ITSN1: variants seen among roughly 807,000 people sequenced by gnomAD.
The protein encoded by ITSN1 is intersectin 1, also known as intersectin-1.
A neutral mutation model predicts 239.8 loss-of-function variants in ITSN1; 58 were observed. The ratio of observed to expected loss-of-function variants is 0.24; its 90% CI spans 0.20 to 0.30. The LOEUF (loss-of-function observed/expected upper bound fraction) is 0.30, where lower values mean the gene tolerates loss of function less well. Ranked by LOEUF, ITSN1 falls within the 10% of genes least tolerant of loss-of-function variation. The pLI is 1.00. For synonymous variants in ITSN1, 780 were observed against 770.8 expected (o/e 1.01, Z -0.20); for missense variants, 1,558 against 2,103.3 (o/e 0.74, Z 5.07).
In ITSN1 at chr21:33,781,935, A is replaced by AG. The variant is rs147828823; in HGVS notation, c.1685-59_1685-58insG. 550 of 1,477,202 alleles carry AG rather than the reference A, an allele frequency of 3.7e-4. 5 individuals are homozygous for AG. In the African/African-American group the frequency reaches 6.5e-3, roughly 17 times the overall value. 91.5% of individuals were successfully genotyped at this position (1,477,202 alleles called of 1,614,324 possible). On this transcript the variant is annotated intron_variant, in intron 15 of 39. Coordinates refer to ENST00000381318, the MANE Select transcript of ITSN1 (RefSeq NM_003024.3). ...TTAAGTGAAATGAGAACATTAAAAAACATTTTCCTCACTGCAAATTAAAGT... is the reference window on the plus strand; with the variant it reads ...TTAAGTGAAATGAGAACATTAAAAAAGCATTTTCCTCACTGCAAATTAAAGT...
At chr21:33,662,055 C>T (rs1283652837) in intron 1 of ITSN1, among the ~76,000 whole-genome samples, 1 of 152,178 alleles carries the variant, frequency 6.6e-6, no homozygotes, top group African/African-American at 2.4e-5. Flanking sequence ...CCTTCACTCA[C>T]AGTTTAGAGT....
At chr21:33,715,327 G>A (rs2065073410) in intron 1 of ITSN1, among the ~76,000 whole-genome samples, 3 of 152,110 alleles carry the variant, frequency 2.0e-5, no homozygotes, top group Admixed American at 2.0e-4. Flanking sequence ...TGGTAAAGTA[G>A]CTGGATACAA....
intron 4 of ITSN1, among the ~76,000 whole-genome samples, chr21:33,730,011 G>T (rs2066072215): frequency 6.6e-6 from 1 of 152,144 alleles, no homozygotes; most frequent in Non-Finnish European, 1.5e-5. Flanking sequence ...ACTATGTGAA[G>T]TTACTTGGAC....
chr21:33,801,684 C>CT (rs1347144344), intron 19 of ITSN1, among the ~76,000 whole-genome samples: 1 of 152,154 alleles, frequency 6.6e-6, no homozygotes, highest in Non-Finnish European at 1.5e-5. Flanking sequence ...GGCTCCAGAT[C>CT]TTTAAAAGTT....
chr21:33,834,187 C>T (rs1056953402), intron 27 of ITSN1, 120 bp from the exon 28 acceptor site: 128 of 689,118 alleles, frequency 1.9e-4, no homozygotes, highest in African/African-American at 1.8e-3. Context: ...TAGATTTTAC[C>T]GTTAATGTCA....
At chr21:33,781,869 G>A (rs962563766) in intron 15 of ITSN1, 125 bp from the exon 16 acceptor site, 26 of 925,852 alleles carry the variant, frequency 2.8e-5, no homozygotes, top group South Asian at 5.3e-5. Context: ...GTAGGCCACC[G>A]CACCCAGCCT....
intron 29 of ITSN1, among the ~76,000 whole-genome samples, chr21:33,841,661 G>A (rs1368687744): frequency 6.6e-6 from 1 of 152,166 alleles, no homozygotes; most frequent in Non-Finnish European, 1.5e-5. Context: ...CAGGGCGGGG[G>A]CAACACCCCA....
intron 22 of ITSN1, 146 bp from the exon 23 acceptor site, chr21:33,818,121 C>T (rs946140095): frequency 4.3e-5 from 28 of 648,150 alleles, no homozygotes; most frequent in Non-Finnish European, 6.0e-5. Context: ...AAGCATCCAG[C>T]CCTCCTGCTG....
chr21:33,836,996 G>C (rs776680307), intron 29 of ITSN1: 94 of 1,612,502 alleles, frequency 5.8e-5, no homozygotes, highest in Non-Finnish European at 7.5e-5. Flanking sequence ...GGAATCATAT[G>C]TTGTCCATCC....
chr21:33,803,530 AAAG>A (rs1185855251), intron 20 of ITSN1, among the ~76,000 whole-genome samples: 1 of 152,242 alleles, frequency 6.6e-6, no homozygotes, highest in African/African-American at 2.4e-5. Flanking sequence ...TTCCATCAAA[AAAG>A]CAGAATATGT....
At chr21:33,668,301 T>C (rs2090050840) in intron 1 of ITSN1, among the ~76,000 whole-genome samples, 1 of 152,184 alleles carries the variant, frequency 6.6e-6, no homozygotes. Context: ...TGAAACGCAA[T>C]TTGTCAACCT....
chr21:33,896,564 C>T lies in ITSN1; in HGVS notation c.*8264C>T, dbSNP rs1205531015. 1 of 152,244 alleles carries T rather than the reference C, an allele frequency of 6.6e-6. No homozygotes were observed. Among genetic ancestry groups the T allele is most frequent in the East Asian group, 1.9e-4 (1 of 5,188 alleles). The allele number at this position is 152,244 out of a possible 1,614,324, so 9.4% of individuals were successfully genotyped here. A position where few individuals can be genotyped will look rare whatever the true frequency, so the allele number is the denominator to read the frequency against. ...CTGGTCTGCGGGTGTCTGGGAGGAA[C>T]CTGCTTCGGAGAGGCTGCGACCTCC... On this transcript the variant is annotated 3_prime_UTR_variant, in exon 40 of 40. Coordinates refer to ENST00000381318, the MANE Select transcript of ITSN1 (RefSeq NM_003024.3).
intron 26 of ITSN1, chr21:33,829,176 G>A (rs1010034424): frequency 1.9e-5 from 7 of 369,910 alleles, no homozygotes; most frequent in African/African-American, 1.3e-4. Flanking sequence ...ACTGTACTTG[G>A]CAGCTAGAAA....
At chr21:33,839,524 TC>T (rs1434710827) in intron 29 of ITSN1, among the ~76,000 whole-genome samples, 2 of 152,022 alleles carry the variant, frequency 1.3e-5, no homozygotes. Flanking sequence ...CTTCTCACTG[TC>T]CCCCAGGCCA....
intron 10 of ITSN1, among the ~76,000 whole-genome samples, chr21:33,767,212 A>T (rs2068787447): frequency 6.6e-6 from 1 of 152,060 alleles, no homozygotes; most frequent in Admixed American, 6.6e-5. Context: ...ATAAATAAAT[A>T]AAAGTGTAAA....
At chr21:33,881,042 G>A (rs927199965) in intron 34 of ITSN1, among the ~76,000 whole-genome samples, 9 of 152,016 alleles carry the variant, frequency 5.9e-5, no homozygotes, top group African/African-American at 2.2e-4. Context: ...TTTGCTGAGC[G>A]GGTGAGTCGG....
chr21:33,726,942 T>A (rs1420621731), intron 4 of ITSN1, among the ~76,000 whole-genome samples: 1 of 152,258 alleles, frequency 6.6e-6, no homozygotes, highest in African/African-American at 2.4e-5. Context: ...GGACAGTATA[T>A]GTTAGAAACC....
rs1459351569 is a variant in ITSN1 at position 33,891,863 on chromosome 21, G to A, written c.*3563G>A. The A allele has an allele frequency of 6.6e-6, 1 of 151,130 alleles. No individual in the cohort carries two copies. The highest frequency in any genetic ancestry group is 2.4e-5 in the African/African-American group (1 of 41,168). 9.4% of individuals were successfully genotyped at this position (151,130 alleles called of 1,614,324 possible). A position where few individuals can be genotyped will look rare whatever the true frequency, so the allele number is the denominator to read the frequency against. On this transcript the variant is annotated 3_prime_UTR_variant, in exon 40 of 40. Coordinates refer to ENST00000381318, the MANE Select transcript of ITSN1 (RefSeq NM_003024.3). ...CCAAGTCGTTTTTTTCTAGTTGATT[G>A]GGCCTTTTTGATTGATAAGAAGAAA...
Position 33,722,573 on chromosome 21 carries a change from C to G in ITSN1, c.122-15C>G. ...TTTTTTTTTTTTCCTGAAACTTTTT[C>G]TGTTTAATTTACAGGTGATCAAGCT... On this transcript the variant is annotated splice_polypyrimidine_tract_variant and intron_variant, in intron 3 of 39. Transcript: ENST00000381318. 2.4e-6 allele frequency: 3 copies of G among 1,237,776 alleles called. No homozygotes were observed. Among genetic ancestry groups the G allele is most frequent in the Non-Finnish European group, 2.1e-6 (2 of 966,252 alleles). The allele number at this position is 1,237,776 out of a possible 1,614,324, so 76.7% of individuals were successfully genotyped here. A position where few individuals can be genotyped will look rare whatever the true frequency, so the allele number is the denominator to read the frequency against.
Sources: gnomAD v4.1 joint callset for allele counts (sites outside exome capture counted in the v4.1 genomes callset) on GRCh38, gnomAD v4.1.1 for gene constraint, MANE v1.5 for transcripts, NCBI Gene and HGNC (gene_info 2026-07-23, HGNC 2026-07-21) for gene names.